The following PCDHGA1 variants were observed in gnomAD, a reference collection of about 807,000 sequenced individuals.
PCDHGA1 encodes the protein protocadherin gamma-A1.
Under a neutral mutation model 58.0 loss-of-function variants are expected in PCDHGA1, and 32 were observed. That is an observed-to-expected ratio of 0.55 (90% CI 0.42 to 0.74). The LOEUF is 0.74. Among genes scored for constraint, PCDHGA1 ranks in the 30% least tolerant of loss-of-function variants. The pLI is 0.00. For synonymous variants in PCDHGA1, 498 were observed against 501.1 expected (o/e 0.99, Z 0.08); for missense variants, 1,205 against 1,182.3 (o/e 1.02, Z -0.28).
chr5:141,388,630 T>C (rs754073337), intron 1 of PCDHGA1: 1 of 1,613,816 alleles, frequency 6.2e-7, no homozygotes, highest in Non-Finnish European at 8.5e-7. Flanking sequence ...GTATACAGGG[T>C]GAGCCTTTCA....
At chr5:141,365,842 T>C in intron 1 of PCDHGA1, 4 of 1,613,964 alleles carry the variant, frequency 2.5e-6, no homozygotes, top group Non-Finnish European at 3.4e-6. Context: ...TGTCCTCCTA[T>C]GTATCCATTA....
rs771398829 is a variant in PCDHGA1, at chr5:141,421,251, G to A, written c.2422-73556G>A. ...CCATGGCGAATCGGCTACAGCGCGG[G>A]GACCGCAGTCGGCTGCTGCTGCTGC... On this transcript the variant is annotated intron_variant, in intron 1 of 3. Transcript: ENST00000517417. 17 of 1,606,770 alleles carry A rather than the reference G, an allele frequency of 1.1e-5. No homozygotes were observed. The East Asian group carries it at 3.1e-4, about 30-fold the overall frequency.
chr5:141,488,633 A>G (rs2099677537), intron 1 of PCDHGA1, among the ~76,000 whole-genome samples: 1 of 152,174 alleles, frequency 6.6e-6, no homozygotes, highest in South Asian at 2.1e-4. Context: ...TCACCTTAGC[A>G]GCATTCAGCA....
At chr5:141,480,511 A>G (rs2099520888) in intron 1 of PCDHGA1, among the ~76,000 whole-genome samples, 1 of 127,378 alleles carries the variant, frequency 7.9e-6, no homozygotes, top group African/African-American at 3.6e-5. Context: ...ATATGAGAAC[A>G]ACCAAAAATG....
At position 141,389,059 on chromosome 5, in the gene PCDHGA1, T is replaced by C. The variant is rs773183818; in HGVS notation, c.2421+55954T>C. The stretch of plus-strand genomic sequence containing the variant: ...TTGGAAGGTGATGTTCCATTTAAAA[T>C]ATTAACTTCTTCAAGAAACACGTAT... On this transcript the variant is annotated intron_variant, in intron 1 of 3. Transcript: ENST00000517417. 4 of 1,613,988 alleles carry C rather than the reference T, an allele frequency of 2.5e-6. No individual in the cohort carries two copies. In the South Asian group the frequency reaches 4.4e-5, roughly 18 times the overall value.
chr5:141,483,573 G>A (rs2099583012), intron 1 of PCDHGA1, among the ~76,000 whole-genome samples: 1 of 152,072 alleles, frequency 6.6e-6, no homozygotes, highest in Non-Finnish European at 1.5e-5. Context: ...GTGAATTCTG[G>A]CATAAACACC....
At chr5:141,396,661 A>T (rs2093417070) in intron 1 of PCDHGA1, 1 of 152,162 alleles carries the variant, frequency 6.6e-6, no homozygotes, top group Admixed American at 6.5e-5. Flanking sequence ...AACTCGGTAT[A>T]GGCTATCCAT....
rs748349148 is a variant in PCDHGA1 at position 141,356,186 on chromosome 5, C to A, written c.2421+23081C>A. ...GCCCATGATGGGCCTGGTCTCCGAG[C>A]TAGAAGCAAGGTACTGGTGACAGTT... is the stretch of plus-strand genomic sequence containing the variant. On this transcript the variant is annotated intron_variant, in intron 1 of 3. Coordinates refer to ENST00000517417, the MANE Select transcript of PCDHGA1 (RefSeq NM_018912.3). 4 of 1,611,094 alleles carry A rather than the reference C, an allele frequency of 2.5e-6. No individual in the cohort carries two copies. The Admixed American group carries it at 6.7e-5, about 27-fold the overall frequency.
chr5:141,473,367 T>C (rs1343477225), intron 1 of PCDHGA1, among the ~76,000 whole-genome samples: 1 of 152,178 alleles, frequency 6.6e-6, no homozygotes, highest in Non-Finnish European at 1.5e-5. Flanking sequence ...GCCACCAAAA[T>C]AGCATGGTCC....
chr5:141,370,999 G>T, intron 1 of PCDHGA1: 3 of 1,614,020 alleles, frequency 1.9e-6, no homozygotes, highest in Non-Finnish European at 2.5e-6. Flanking sequence ...CCCCTGGACA[G>T]GGAAGAGCAG....
intron 1 of PCDHGA1, chr5:141,355,894 C>T (rs767316640): frequency 6.2e-7 from 1 of 1,613,656 alleles, no homozygotes; most frequent in South Asian, 1.1e-5. Context: ...TCTCATAATA[C>T]TTGTGGATAC....
intron 1 of PCDHGA1, chr5:141,389,844 G>C: frequency 6.2e-7 from 1 of 1,614,014 alleles, no homozygotes; most frequent in Non-Finnish European, 8.5e-7. Flanking sequence ...ACCACTCTCG[G>C]CCACTGCCAC....
intron 2 of PCDHGA1, among the ~76,000 whole-genome samples, chr5:141,495,452 C>G (rs543717781): frequency 1.3e-5 from 2 of 152,356 alleles, no homozygotes; most frequent in South Asian, 2.1e-4. Context: ...TTGTCCTGCT[C>G]TCTGTCTGTG....
At chr5:141,436,347 CT>C (rs1402378657) in intron 1 of PCDHGA1, among the ~76,000 whole-genome samples, 1 of 152,118 alleles carries the variant, frequency 6.6e-6, no homozygotes, top group African/African-American at 2.4e-5. Context: ...ATATCAGTGA[CT>C]TCAATCAACT....
intron 1 of PCDHGA1, chr5:141,339,209 C>T: frequency 1.2e-6 from 2 of 1,614,106 alleles, no homozygotes; most frequent in Admixed American, 1.7e-5. Context: ...TCTGAACCCG[C>T]GAAGCGGCAG....
chr5:141,338,843 A>T, intron 1 of PCDHGA1: 1 of 1,398,996 alleles, frequency 7.1e-7, no homozygotes, highest in East Asian at 2.6e-5. Flanking sequence ...TCAGTCGAAC[A>T]GCCCACCAGT....
At chr5:141,410,532 A>G in intron 1 of PCDHGA1, 1 of 1,613,908 alleles carries the variant, frequency 6.2e-7, no homozygotes, top group Non-Finnish European at 8.5e-7. Context: ...CATTCCAATG[A>G]AGACATGGTT....
At chr5:141,499,397 T>A (rs1171838687) in intron 2 of PCDHGA1, among the ~76,000 whole-genome samples, 2 of 152,122 alleles carry the variant, frequency 1.3e-5, no homozygotes, top group African/African-American at 4.8e-5. Flanking sequence ...AAATAGTACA[T>A]GCTCATTATA....
chr5:141,468,159 T>C (rs1408861467), intron 1 of PCDHGA1, among the ~76,000 whole-genome samples: 2 of 151,760 alleles, frequency 1.3e-5, no homozygotes, highest in Admixed American at 6.6e-5. Context: ...ACCCTGTCTC[T>C]GCTAAAAATA....
Sources: allele counts gnomAD v4.1 joint callset (sites outside exome capture counted in the v4.1 genomes callset), GRCh38; gene constraint gnomAD v4.1.1; transcripts MANE v1.5; gene names NCBI Gene and HGNC (gene_info 2026-07-23, HGNC 2026-07-21).